The following MGAT4C variants were observed in gnomAD, a reference collection of about 807,000 sequenced individuals.
MGAT4C encodes the protein MGAT4 family member C.
MGAT4C carries 19 observed loss-of-function variants against 40.1 expected under a neutral mutation model. The observed-to-expected ratio is 0.47, with a 90% confidence interval of 0.33 to 0.70. The LOEUF (loss-of-function observed/expected upper bound fraction) is 0.70. Ranked by LOEUF, MGAT4C falls within the 30% of genes least tolerant of loss-of-function variation. The pLI is 0.02. For missense variants in MGAT4C, 491 were observed against 563.2 expected (o/e 0.87, Z 1.30); for synonymous variants, 181 against 187.1 (o/e 0.97, Z 0.27).
chr12:86,069,940 T>C (rs1218826509), intron 1 of MGAT4C, among the ~76,000 whole-genome samples: 1 of 152,140 alleles, frequency 6.6e-6, no homozygotes, highest in Admixed American at 6.6e-5. Flanking sequence ...TTCTCATTTA[T>C]TGCTAAACAG....
At chr12:86,212,848 C>T (rs1452257102) in intron 1 of MGAT4C, among the ~76,000 whole-genome samples, 1 of 71,018 alleles carries the variant, frequency 1.4e-5, no homozygotes, top group Non-Finnish European at 3.1e-5. Context: ...GCCGAGATCC[C>T]GCAGCTGCAC....
chr12:86,093,328 T>C (rs1873225369), intron 1 of MGAT4C, among the ~76,000 whole-genome samples: 1 of 152,190 alleles, frequency 6.6e-6, no homozygotes, highest in Non-Finnish European at 1.5e-5. Context: ...TTCTTGATTC[T>C]GCATAAGCAA....
At chr12:86,501,988 C>A (rs911077989) in intron 2 of MGAT4C, among the ~76,000 whole-genome samples, 1 of 152,016 alleles carries the variant, frequency 6.6e-6, no homozygotes, top group South Asian at 2.1e-4. Context: ...GGAAAAAACA[C>A]ATAATTACAT....
chr12:86,186,187 T>C (rs1888733903), intron 1 of MGAT4C, among the ~76,000 whole-genome samples: 1 of 152,252 alleles, frequency 6.6e-6, no homozygotes, highest in South Asian at 2.1e-4. Context: ...ACCAATACCA[T>C]ACCTACTGTG....
intron 3 of MGAT4C, among the ~76,000 whole-genome samples, chr12:86,414,825 C>A (rs111950609): frequency 6.6e-6 from 1 of 152,096 alleles, no homozygotes; most frequent in Non-Finnish European, 1.5e-5. Flanking sequence ...TCCCTAATTT[C>A]ATCAGTAGAA....
chr12:86,206,209 C>A (rs1336532189), intron 1 of MGAT4C, among the ~76,000 whole-genome samples: 5 of 152,204 alleles, frequency 3.3e-5, no homozygotes, highest in Non-Finnish European at 5.9e-5. Context: ...ATAATTACAA[C>A]AATTTTTATG....
chr12:86,178,567 G>A (rs761423187), intron 1 of MGAT4C, among the ~76,000 whole-genome samples: 1 of 152,144 alleles, frequency 6.6e-6, no homozygotes, highest in Non-Finnish European at 1.5e-5. Context: ...TTGTAGTTAA[G>A]TAAGTCTGCA....
At chr12:86,328,086 T>G (rs974186549) in intron 4 of MGAT4C, among the ~76,000 whole-genome samples, 1 of 152,190 alleles carries the variant, frequency 6.6e-6, no homozygotes, top group African/African-American at 2.4e-5. Context: ...TAGATGTAAG[T>G]GTTCAATGTG....
chr12:86,622,968 C>A (rs547343418), intron 2 of MGAT4C, among the ~76,000 whole-genome samples: 3 of 152,156 alleles, frequency 2.0e-5, no homozygotes, highest in African/African-American at 7.2e-5. Context: ...ACTCCCAGAG[C>A]CAAAACTACA....
At chr12:86,399,621 C>T (rs1198145012) in intron 3 of MGAT4C, among the ~76,000 whole-genome samples, 1 of 152,032 alleles carries the variant, frequency 6.6e-6, no homozygotes, top group Non-Finnish European at 1.5e-5. Context: ...TTGCTTCAAT[C>T]ATGTCTATCC....
At chr12:86,196,710 T>C (rs2135919913) in intron 1 of MGAT4C, among the ~76,000 whole-genome samples, 1 of 152,368 alleles carries the variant, frequency 6.6e-6, no homozygotes, top group East Asian at 1.9e-4. Context: ...TCTGCTGATG[T>C]AATTCCATCT....
chr12:85,983,553 A>G lies in MGAT4C; in HGVS notation c.265T>C (p.Tyr89His). The G allele has an allele frequency of 6.3e-7, 1 of 1,589,960 alleles. No homozygotes were observed. Among genetic ancestry groups the G allele is most frequent in the African/African-American group, 1.4e-5 (1 of 73,686 alleles). Reference sequence around the variant, plus strand: ...CTTTGTAAAGGTGTGGCAGCTAGGTAGCGATAGGTGACATTTATGGCTCCT... The same window carrying G: ...CTTTGTAAAGGTGTGGCAGCTAGGTGGCGATAGGTGACATTTATGGCTCCT... Reference protein sequence around the residue: ...FSGAINVTYRYLAATPLQRKR... With the variant: ...FSGAINVTYRHLAATPLQRKR... Residue 89 changes from tyrosine (Y) to histidine (H), a missense_variant, in exon 4 of 5, where the codon TAC (tyrosine) becomes CAC (histidine). Tyr to His is a moderately conservative substitution (Grantham distance 83). Coordinates refer to ENST00000611864, the MANE Select transcript of MGAT4C (RefSeq NM_001351288.2).
intron 3 of MGAT4C, among the ~76,000 whole-genome samples, chr12:86,335,339 T>A (rs1448149089): frequency 2.0e-5 from 3 of 152,148 alleles, no homozygotes; most frequent in African/African-American, 7.2e-5. Flanking sequence ...TACAACCCAG[T>A]AAAGTCTTTC....
chr12:86,441,271 T>C (rs1957221628), intron 2 of MGAT4C, among the ~76,000 whole-genome samples: 1 of 151,880 alleles, frequency 6.6e-6, no homozygotes, highest in Non-Finnish European at 1.5e-5. Flanking sequence ...AGCAGATGCA[T>C]AGACCAATGC....
At chr12:86,420,057 G>C (rs562340977) in intron 3 of MGAT4C, among the ~76,000 whole-genome samples, 10 of 147,776 alleles carry the variant, frequency 6.8e-5, no homozygotes, top group Non-Finnish European at 9.0e-5. Context: ...CTGAAACTCT[G>C]AGTTATTCAT....
At chr12:86,340,661 G>A (rs1277238740) in intron 3 of MGAT4C, among the ~76,000 whole-genome samples, 2 of 152,018 alleles carry the variant, frequency 1.3e-5, no homozygotes, top group African/African-American at 4.8e-5. Flanking sequence ...CAAATTTTAA[G>A]AATCCAACAT....
At chr12:86,818,770 A>G (rs1952650770) in intron 1 of MGAT4C, among the ~76,000 whole-genome samples, 1 of 151,222 alleles carries the variant, frequency 6.6e-6, no homozygotes, top group African/African-American at 2.4e-5. Context: ...AGAAACACAT[A>G]TGATAAAGAA....
At chr12:86,229,729 C>T (rs1259217175) in intron 1 of MGAT4C, among the ~76,000 whole-genome samples, 2 of 151,940 alleles carry the variant, frequency 1.3e-5, no homozygotes, top group Admixed American at 6.6e-5. Context: ...ATGGAATAAA[C>T]TTCTGTCAGG....
chr12:86,229,064 G>T (rs931416611), intron 1 of MGAT4C, among the ~76,000 whole-genome samples: 1 of 151,664 alleles, frequency 6.6e-6, no homozygotes, highest in African/African-American at 2.4e-5. Context: ...CTATTATAAG[G>T]TATAAATTAA....
Sources: gnomAD v4.1 joint callset for allele counts (sites outside exome capture counted in the v4.1 genomes callset) on GRCh38, gnomAD v4.1.1 for gene constraint, MANE v1.5 for transcripts, NCBI Gene and HGNC (gene_info 2026-07-23, HGNC 2026-07-21) for gene names.